The following SLC36A1 variants were observed in gnomAD, a reference collection of about 807,000 sequenced individuals.
The protein encoded by SLC36A1 is solute carrier family 36 member 1.
A neutral mutation model predicts 47.5 loss-of-function variants in SLC36A1; 30 were observed. The ratio of observed to expected loss-of-function variants is 0.63; its 90% CI spans 0.47 to 0.86. SLC36A1 has a LOEUF of 0.86. SLC36A1 is among the 40% of genes least tolerant of loss of function. The pLI is 0.00. For missense variants in SLC36A1, 517 were observed against 606.0 expected (o/e 0.85, Z 1.54); for synonymous variants, 255 against 249.7 (o/e 1.02, Z -0.20).
the SLC36A1 span, among the ~76,000 whole-genome samples, chr5:151,518,548 A>G: frequency 6.6e-6 from 1 of 152,092 alleles, no homozygotes; most frequent in African/African-American, 2.4e-5. Flanking sequence ...TTGCCTCAGG[A>G]TAGTTCCTTG....
At position 151,467,290 on chromosome 5, in the gene SLC36A1, A is replaced by G; in HGVS notation, c.504+7A>G. 6.8e-7 allele frequency: 1 copy of G among 1,460,496 alleles called. No homozygotes were observed. The highest frequency in any genetic ancestry group is 9.3e-7 in the Non-Finnish European group (1 of 1,075,986). 90.5% of individuals were successfully genotyped at this position (1,460,496 alleles called of 1,614,324 possible). A position where few individuals can be genotyped will look rare whatever the true frequency, so the allele number is the denominator to read the frequency against. ...GGCTGACAACTTTAAACAGGTAGGCACCTGGTTAAAAAAGAAAAAAAAAAA... is the reference window on the plus strand; with the variant it reads ...GGCTGACAACTTTAAACAGGTAGGCGCCTGGTTAAAAAAGAAAAAAAAAAA... On this transcript the variant is annotated splice_region_variant and intron_variant, in intron 6 of 10. Transcript: ENST00000243389.
the SLC36A1 span, among the ~76,000 whole-genome samples, chr5:151,513,735 G>A: frequency 4.6e-5 from 7 of 151,926 alleles, no homozygotes; most frequent in South Asian, 2.1e-4. Context: ...ATGTACCCCC[G>A]AAACTAAACT....
the SLC36A1 span, chr5:151,554,815 T>G: frequency 2.9e-6 from 2 of 693,286 alleles, no homozygotes; most frequent in Non-Finnish European, 4.7e-6. Flanking sequence ...TACTTGGAAC[T>G]CAGCTCTCTG....
At chr5:151,438,252 TA>T (rs1248054356) in intron 1 of SLC36A1, among the ~76,000 whole-genome samples, 1 of 152,234 alleles carries the variant, frequency 6.6e-6, no homozygotes, top group Non-Finnish European at 1.5e-5. Context: ...ACAGCCTTTT[TA>T]TTCTTAAAAG....
At chr5:151,433,237 TA>T (rs1561704664), upstream of SLC36A1, among the ~76,000 whole-genome samples, 16 of 9,356 alleles carry the variant, frequency 1.7e-3, no homozygotes, top group South Asian at 2.9e-3. Flanking sequence ...TATATATATA[TA>T]TATATATATA....
chr5:151,438,808 T>C (rs1366526944), intron 1 of SLC36A1, among the ~76,000 whole-genome samples: 1 of 152,242 alleles, frequency 6.6e-6, no homozygotes, highest in African/African-American at 2.4e-5. Context: ...CAGGACAGAA[T>C]TTTGAATTAC....
chr5:151,382,278 G>T, the SLC36A1 span: 1 of 1,288,714 alleles, frequency 7.8e-7, no homozygotes. Flanking sequence ...AGCACACACA[G>T]GCTTTGAGAG....
chr5:151,485,990 A>G (rs945430375), intron 10 of SLC36A1, among the ~76,000 whole-genome samples: 1 of 152,232 alleles, frequency 6.6e-6, no homozygotes, highest in African/African-American at 2.4e-5. Context: ...GGCAGGAGGC[A>G]TGAATCCATT....
At chr5:151,452,284 C>T (rs1753761411) in intron 1 of SLC36A1, 1 of 152,254 alleles carries the variant, frequency 6.6e-6, no homozygotes, top group Non-Finnish European at 1.5e-5. Flanking sequence ...AACCATTTTA[C>T]TTCCCTCACT....
chr5:151,379,027 G>A, the SLC36A1 span, among the ~76,000 whole-genome samples: 8 of 152,184 alleles, frequency 5.3e-5, no homozygotes, highest in South Asian at 6.2e-4. Flanking sequence ...GTCAGAGTTG[G>A]CAAAGCCCAA....
chr5:151,367,374 T>TCCCC, the SLC36A1 span, among the ~76,000 whole-genome samples: 5 of 145,468 alleles, frequency 3.4e-5, no homozygotes, highest in Admixed American at 6.7e-5. Context: ...TTTTTTTTTT[T>TCCCC]CCCCAGGGTA....
upstream of SLC36A1, among the ~76,000 whole-genome samples, chr5:151,446,444 C>T (rs1318810649): frequency 2.6e-5 from 4 of 152,038 alleles, no homozygotes; most frequent in South Asian, 6.2e-4. Context: ...ACAGGAGAAT[C>T]GCTTGAATCC....
the SLC36A1 span, among the ~76,000 whole-genome samples, chr5:151,395,977 T>G: frequency 5.3e-5 from 8 of 151,780 alleles, no homozygotes; most frequent in Non-Finnish European, 1.0e-4. Flanking sequence ...GGCTGGTTAA[T>G]TTTTGTATTT....
At chr5:151,543,212 C>T in the SLC36A1 span, 1 of 1,614,180 alleles carries the variant, frequency 6.2e-7, no homozygotes, top group Non-Finnish European at 8.5e-7. Flanking sequence ...ACACCAGTGA[C>T]TGGGTTAATT....
At chr5:151,461,154 A>ATTT (rs3086279) in intron 2 of SLC36A1, among the ~76,000 whole-genome samples, 1 of 125,594 alleles carries the variant, frequency 8.0e-6, no homozygotes, top group Non-Finnish European at 1.7e-5. Flanking sequence ...TACTTTTTGT[A>ATTT]TTTTTTTTTT....
chr5:151,346,152 C>T, the SLC36A1 span, among the ~76,000 whole-genome samples: 1 of 152,198 alleles, frequency 6.6e-6, no homozygotes, highest in Non-Finnish European at 1.5e-5. Flanking sequence ...TGTATCAGTT[C>T]AGGACACAAG....
At chr5:151,547,673 G>A in the SLC36A1 span, among the ~76,000 whole-genome samples, 11 of 152,116 alleles carry the variant, frequency 7.2e-5, no homozygotes, top group South Asian at 4.1e-4. Flanking sequence ...ATGAGTAGCC[G>A]TTTTAAAGTG....
At chr5:151,498,696 A>G in the SLC36A1 span, among the ~76,000 whole-genome samples, 1 of 152,216 alleles carries the variant, frequency 6.6e-6, no homozygotes, top group Non-Finnish European at 1.5e-5. Context: ...TGTCAGAACT[A>G]CCCACCATTG....
intron 10 of SLC36A1, among the ~76,000 whole-genome samples, chr5:151,485,180 G>A (rs2127543877): frequency 6.6e-6 from 1 of 152,298 alleles, no homozygotes; most frequent in South Asian, 2.1e-4. Context: ...AAACATAGTA[G>A]TTTTGAGTTT....
Sources: allele counts gnomAD v4.1 joint callset (sites outside exome capture counted in the v4.1 genomes callset), GRCh38; gene constraint gnomAD v4.1.1; transcripts MANE v1.5; gene names NCBI Gene and HGNC (gene_info 2026-07-23, HGNC 2026-07-21).